CD300LD: variants seen among roughly 807,000 people sequenced by gnomAD.
The protein encoded by CD300LD is CMRF35-like molecule 5.
Under a neutral mutation model 20.3 loss-of-function variants are expected in CD300LD, and 18 were observed. The ratio of observed to expected loss-of-function variants is 0.89; its 90% CI spans 0.61 to 1.32. The LOEUF (loss-of-function observed/expected upper bound fraction) is 1.32, where lower values mean the gene tolerates loss of function less well. CD300LD is among the 40% of genes most tolerant of loss of function. CD300LD has a pLI of 0.00. For synonymous variants in CD300LD, 104 were observed against 90.1 expected (o/e 1.15, Z -0.87); for missense variants, 195 against 226.6 (o/e 0.86, Z 0.90).
intron 1 of CD300LD, chr17:74,591,885 C>G (rs1313760354): frequency 1.8e-6 from 1 of 567,284 alleles, no homozygotes; most frequent in African/African-American, 1.9e-5. Flanking sequence ...TCATTGATAT[C>G]TGTTCATTCA....
intron 1 of CD300LD, among the ~76,000 whole-genome samples, chr17:74,589,762 A>AT (rs2030261177): frequency 6.6e-6 from 1 of 152,234 alleles, no homozygotes; most frequent in Non-Finnish European, 1.5e-5. Context: ...GATTTTGATG[A>AT]TTTATGCACT....
downstream of CD300LD, among the ~76,000 whole-genome samples, chr17:74,579,010 C>A (rs2029974948): frequency 6.6e-6 from 1 of 152,210 alleles, no homozygotes; most frequent in Admixed American, 6.5e-5. Flanking sequence ...TAGCAGCCAA[C>A]TGCAATACTC....
chr17:74,582,449 T>C lies in CD300LD; in HGVS notation c.380-138A>G, dbSNP rs1021526716. Reference sequence around the variant, plus strand: ...GACTGTCTGGTCAGCATCCAAAATATTACATGAATTATCTTCTAAAGAGAA... The same window carrying C: ...GACTGTCTGGTCAGCATCCAAAATACTACATGAATTATCTTCTAAAGAGAA... On this transcript the variant is annotated intron_variant, in intron 2 of 3. Coordinates refer to ENST00000375352, the MANE Select transcript of CD300LD (RefSeq NM_001115152.2). 1.2e-5 allele frequency: 7 copies of C among 586,614 alleles called. No homozygotes were observed. In the East Asian group the frequency reaches 1.2e-4, roughly 10 times the overall value. 36.3% of individuals were successfully genotyped at this position (586,614 alleles called of 1,614,324 possible).
chr17:74,589,087 T>C (rs748244679), intron 1 of CD300LD, among the ~76,000 whole-genome samples: 19 of 152,184 alleles, frequency 1.2e-4, no homozygotes, highest in Non-Finnish European at 2.5e-4. Flanking sequence ...TGAGCAATAA[T>C]AGCTTCCTGC....
intron 3 of CD300LD, 67 bp downstream of exon 3, chr17:74,582,151 A>G (rs2030049122): frequency 7.8e-7 from 1 of 1,282,412 alleles, no homozygotes; most frequent in Non-Finnish European, 1.1e-6. Flanking sequence ...GTATCTGGCA[A>G]CCCCTGTTAG....
In CD300LD at chr17:74,579,681, C is replaced by T. The variant is rs555802661; in HGVS notation, c.*321G>A. The T allele has an allele frequency of 5.3e-5, 10 of 190,338 alleles. No individual in the cohort carries two copies. Among genetic ancestry groups the T allele is most frequent in the Admixed American group, 1.1e-4 (2 of 17,784 alleles). 11.8% of individuals were successfully genotyped at this position (190,338 alleles called of 1,614,324 possible). A position where few individuals can be genotyped will look rare whatever the true frequency, so the allele number is the denominator to read the frequency against. On this transcript the variant is annotated 3_prime_UTR_variant, in exon 4 of 4. Transcript: ENST00000375352. ...GGAGGATCTCTTGAGGTCAAGAGTT[C>T]GAGACCAGCCTGGGCAACGTGGTGG...
At chr17:74,587,378 C>A (rs541768213) in intron 2 of CD300LD, among the ~76,000 whole-genome samples, 1 of 152,292 alleles carries the variant, frequency 6.6e-6, no homozygotes, top group African/African-American at 2.4e-5. Flanking sequence ...GTTTACGACA[C>A]ATATTCCCTT....
intron 1 of CD300LD, among the ~76,000 whole-genome samples, chr17:74,589,894 C>T (rs993362819): frequency 6.6e-6 from 1 of 152,204 alleles, no homozygotes; most frequent in Non-Finnish European, 1.5e-5. Flanking sequence ...GTCTCTGAAA[C>T]GCCAAGAGAC....
At chr17:74,587,772 C>T (rs764312414) in intron 2 of CD300LD, among the ~76,000 whole-genome samples, 1 of 152,048 alleles carries the variant, frequency 6.6e-6, no homozygotes, top group Non-Finnish European at 1.5e-5. Context: ...GGAAGGGGGT[C>T]CCTTTGGCCT....
At position 74,586,511 on chromosome 17, in the gene CD300LD, C is replaced by T. The variant is rs114427921; in HGVS notation, c.379+2000G>A. Among the ~76,000 whole-genome samples, 1,390 of 152,212 alleles carry T rather than the reference C, an allele frequency of 9.1e-3. 19 individuals are homozygous for T. The highest frequency in any genetic ancestry group is 0.032 in the African/African-American group (1,319 of 41,514). ...TTTCATCAGAATGGCACCCCCCTGTCGGGAAACGAGAAGGGGGCCTGGACC... is the reference window on the plus strand; with the variant it reads ...TTTCATCAGAATGGCACCCCCCTGTTGGGAAACGAGAAGGGGGCCTGGACC... On this transcript the variant is annotated intron_variant, in intron 2 of 3. Coordinates refer to ENST00000375352, the MANE Select transcript of CD300LD (RefSeq NM_001115152.2).
At chr17:74,589,300 C>T (rs1443040939) in intron 1 of CD300LD, among the ~76,000 whole-genome samples, 1 of 151,968 alleles carries the variant, frequency 6.6e-6, no homozygotes, top group African/African-American at 2.4e-5. Flanking sequence ...GTTAATCACC[C>T]TGAATGAATC....
chr17:74,592,118 C>T (rs372585810), intron 1 of CD300LD, 45 bp downstream of exon 1: 7 of 1,614,112 alleles, frequency 4.3e-6, no homozygotes, highest in Non-Finnish European at 5.9e-6. Context: ...TGTCTCCAAG[C>T]CAGCCGCTGT....
chr17:74,588,092 G>A (rs1427788015), intron 2 of CD300LD, among the ~76,000 whole-genome samples: 1 of 152,202 alleles, frequency 6.6e-6, no homozygotes, highest in Non-Finnish European at 1.5e-5. Flanking sequence ...CACATCTTGT[G>A]AGGGCCTTCT....
chr17:74,588,896 G>A lies in CD300LD; in HGVS notation c.41-47C>T, dbSNP rs372112007. 3.9e-4 allele frequency: 555 copies of A among 1,415,446 alleles called. 3 individuals are homozygous for A. Among genetic ancestry groups the A allele is most frequent in the Middle Eastern group, 1.1e-3 (6 of 5,514 alleles). The allele number at this position is 1,415,446 out of a possible 1,614,324, so 87.7% of individuals were successfully genotyped here. ...GTCGTCACCTCCCACCCCAAGGGCAGGGCCACAGCCTCGTGCATTGGGAGT... is the reference window on the plus strand; with the variant it reads ...GTCGTCACCTCCCACCCCAAGGGCAAGGCCACAGCCTCGTGCATTGGGAGT... On this transcript the variant is annotated intron_variant, in intron 1 of 3. Transcript: ENST00000375352.
intron 3 of CD300LD, among the ~76,000 whole-genome samples, chr17:74,580,995 T>C (rs1261304518): frequency 6.6e-6 from 1 of 151,172 alleles, no homozygotes; most frequent in Non-Finnish European, 1.5e-5. Context: ...CTGAGGGTAT[T>C]TGGGGGAGAT....
downstream of CD300LD, among the ~76,000 whole-genome samples, chr17:74,579,185 C>T (rs575772146): frequency 9.2e-5 from 14 of 152,362 alleles, no homozygotes; most frequent in South Asian, 1.2e-3. Flanking sequence ...AGCCCGGAAA[C>T]CTCTGCTCTC....
At chr17:74,588,891 G>A (rs369631943) in intron 1 of CD300LD, 42 bp from the exon 2 acceptor site, 5 of 1,459,382 alleles carry the variant, frequency 3.4e-6, no homozygotes, top group Non-Finnish European at 2.8e-6. Context: ...CCCACCCCAA[G>A]GGCAGGGCCA....
chr17:74,587,311 C>T (rs2030187732), intron 2 of CD300LD, among the ~76,000 whole-genome samples: 1 of 152,108 alleles, frequency 6.6e-6, no homozygotes, highest in African/African-American at 2.4e-5. Flanking sequence ...TAGTTTGTGC[C>T]TTTCAAGGAT....
chr17:74,590,289 CTG>C (rs1476708130), intron 1 of CD300LD, among the ~76,000 whole-genome samples: 1 of 152,138 alleles, frequency 6.6e-6, no homozygotes, highest in African/African-American at 2.4e-5. Context: ...TCATGTGGAA[CTG>C]TGAGTCCATT....
Sources: gnomAD v4.1 joint callset for allele counts (sites outside exome capture counted in the v4.1 genomes callset) on GRCh38, gnomAD v4.1.1 for gene constraint, MANE v1.5 for transcripts, NCBI Gene and HGNC (gene_info 2026-07-23, HGNC 2026-07-21) for gene names.